The following CENPP variants were observed in gnomAD, a reference collection of about 807,000 sequenced individuals.
CENPP encodes the protein centromere protein P.
CENPP carries 24 observed loss-of-function variants against 35.6 expected under a neutral mutation model. The observed-to-expected ratio is 0.67, with a 90% CI of 0.49 to 0.95. The LOEUF (loss-of-function observed/expected upper bound fraction) is 0.95. Ranked by LOEUF, CENPP falls within the 40% of genes least tolerant of loss-of-function variation. The pLI is 0.00. For synonymous variants in CENPP, 120 were observed against 125.5 expected (o/e 0.96, Z 0.29); for missense variants, 332 against 345.3 (o/e 0.96, Z 0.31).
intron 5 of CENPP, among the ~76,000 whole-genome samples, chr9:92,596,422 G>A (rs1211404331): frequency 8.1e-6 from 1 of 123,192 alleles, no homozygotes; most frequent in East Asian, 2.3e-4. Flanking sequence ...GGCCAGCCTA[G>A]GCAACATAGT....
chr9:92,331,427 G>T (rs1282027509), intron 1 of CENPP, among the ~76,000 whole-genome samples: 1 of 152,132 alleles, frequency 6.6e-6, no homozygotes, highest in Non-Finnish European at 1.5e-5. Context: ...TGATCCACCC[G>T]CCTTGGCTTC....
At chr9:92,452,141 T>C (rs1268758847) in intron 5 of CENPP, among the ~76,000 whole-genome samples, 1 of 150,760 alleles carries the variant, frequency 6.6e-6, no homozygotes, top group African/African-American at 2.4e-5. Context: ...CTATGTTGAA[T>C]AGGAGTGGTG....
At chr9:92,522,425 A>T in intron 5 of CENPP, 1 of 930,432 alleles carries the variant, frequency 1.1e-6, no homozygotes, top group Non-Finnish European at 1.5e-6. Context: ...TTTGTAGATT[A>T]AACCAAAAAG....
At chr9:92,581,804 C>A (rs916356271) in intron 5 of CENPP, among the ~76,000 whole-genome samples, 3 of 152,056 alleles carry the variant, frequency 2.0e-5, no homozygotes, top group African/African-American at 7.2e-5. Context: ...ATAACATAAT[C>A]ATAATGATGT....
chr9:92,509,785 G>A (rs1847225055), intron 5 of CENPP: 1 of 1,156,146 alleles, frequency 8.6e-7, no homozygotes, highest in Admixed American at 3.5e-5. Flanking sequence ...ATGGTTAAGT[G>A]ACCTAAAAAT....
intron 5 of CENPP, among the ~76,000 whole-genome samples, chr9:92,590,531 C>T (rs1400107639): frequency 6.6e-6 from 1 of 152,220 alleles, no homozygotes; most frequent in Non-Finnish European, 1.5e-5. Flanking sequence ...GGCCCACACT[C>T]CCTGTTTCCA....
rs546073709 is a variant in CENPP, at chr9:92,444,886, C to A, written c.564+65027C>A. The stretch of plus-strand genomic sequence containing the variant: ...ACATGGGCCCCTAGGAGTTACCTGG[C>A]GGCTGTACTGCAAGCAGGTGTGGCC... On this transcript the variant is annotated intron_variant, in intron 5 of 7. Transcript: ENST00000375587. 5.1e-4 allele frequency among the ~76,000 whole-genome samples: 77 copies of A among 152,136 alleles called. 1 individual carries two copies. The highest frequency in any genetic ancestry group is 1.5e-3 in the African/African-American group (63 of 41,494).
At chr9:92,587,551 CTGATGAACCT>C (rs1212166490) in intron 5 of CENPP, among the ~76,000 whole-genome samples, 2 of 152,170 alleles carry the variant, frequency 1.3e-5, no homozygotes, top group Non-Finnish European at 2.9e-5. Context: ...GAATGAAATA[CTGATGAACCT>C]TGAAAATTGT....
At chr9:92,494,143 AAC>A in intron 5 of CENPP, 1 of 1,597,454 alleles carries the variant, frequency 6.3e-7, no homozygotes, top group Non-Finnish European at 8.5e-7. Flanking sequence ...CAGCATCTGA[AAC>A]ACAGCTGAAT....
rs769575122 is a variant in CENPP at position 92,502,580 on chromosome 9, C to T, written c.565-108734C>T. On this transcript the variant is annotated intron_variant, in intron 5 of 7. Coordinates refer to ENST00000375587, the MANE Select transcript of CENPP (RefSeq NM_001012267.3). Reference sequence around the variant, plus strand: ...ATTTTGTTATAACGTAGTACAATGACATTGATCTTTCTGGTATGATTGAAA... The same window carrying T: ...ATTTTGTTATAACGTAGTACAATGATATTGATCTTTCTGGTATGATTGAAA... 21 of 1,611,698 alleles carry T rather than the reference C, an allele frequency of 1.3e-5. No homozygotes were observed. The Middle Eastern group carries it at 4.9e-4, about 38-fold the overall frequency.
intron 5 of CENPP, among the ~76,000 whole-genome samples, chr9:92,565,293 TA>T (rs3078380): frequency 0.031 from 1,023 of 33,060 alleles, 2 homozygotes; most frequent in Non-Finnish European, 0.041. Context: ...GCTGATGAGC[TA>T]AAAAAAAAAA....
At chr9:92,548,858 T>A (rs1849527969) in intron 5 of CENPP, among the ~76,000 whole-genome samples, 1 of 149,386 alleles carries the variant, frequency 6.7e-6, no homozygotes, top group Admixed American at 6.7e-5. Flanking sequence ...AGTTCACTTT[T>A]GTGTGTGTGT....
chr9:92,337,261 C>T (rs144940139), intron 2 of CENPP, among the ~76,000 whole-genome samples: 4,653 of 151,494 alleles, frequency 0.031, 109 homozygotes, highest in South Asian at 0.08. Context: ...GAGGTTGCAG[C>T]GAGTCGAGAT....
At chr9:92,475,374 A>G (rs1845679846) in intron 5 of CENPP, among the ~76,000 whole-genome samples, 1 of 152,226 alleles carries the variant, frequency 6.6e-6, no homozygotes, top group African/African-American at 2.4e-5. Flanking sequence ...CATAAACTGT[A>G]TACTTACAAA....
At chr9:92,385,875 A>C (rs1842399071) in intron 5 of CENPP, 9 of 1,282,954 alleles carry the variant, frequency 7.0e-6, no homozygotes, top group Non-Finnish European at 1.0e-5. Flanking sequence ...AACCTAAGTC[A>C]GAGGTCTGAG....
At chr9:92,433,807 CTG>C (rs1210826698) in intron 5 of CENPP, among the ~76,000 whole-genome samples, 7 of 152,066 alleles carry the variant, frequency 4.6e-5, no homozygotes, top group African/African-American at 1.7e-4. Context: ...TGGTGCTTGC[CTG>C]TAATCCCAGC....
chr9:92,612,707 CA>C (rs1851300190), intron 7 of CENPP, 93 bp downstream of exon 7: 1 of 907,694 alleles, frequency 1.1e-6, no homozygotes. Context: ...GGGCAAGAAT[CA>C]AAAATTGGAA....
At chr9:92,577,943 TC>T (rs1332042429) in intron 5 of CENPP, among the ~76,000 whole-genome samples, 6 of 75,308 alleles carry the variant, frequency 8.0e-5, no homozygotes, top group Non-Finnish European at 1.2e-4. Flanking sequence ...ATGCTATCCC[TC>T]CCCCCTCCCC....
At chr9:92,570,552 G>T (rs950712262) in intron 5 of CENPP, among the ~76,000 whole-genome samples, 35 of 152,166 alleles carry the variant, frequency 2.3e-4, no homozygotes, top group African/African-American at 7.5e-4. Context: ...TTTTTGTGGT[G>T]TCTCCACCAG....
Sources: allele counts gnomAD v4.1 joint callset (sites outside exome capture counted in the v4.1 genomes callset), GRCh38; gene constraint gnomAD v4.1.1; transcripts MANE v1.5; gene names NCBI Gene and HGNC (gene_info 2026-07-23, HGNC 2026-07-21).